The following EYS variants were observed in gnomAD, a reference collection of about 807,000 sequenced individuals.
EYS encodes the protein protein eyes shut homolog.
A neutral mutation model predicts 282.1 loss-of-function variants in EYS; 250 were observed. That is an observed-to-expected ratio of 0.89 (90% CI 0.80 to 0.98). The LOEUF (loss-of-function observed/expected upper bound fraction) is 0.98, where lower values mean the gene tolerates loss of function less well. Ranked by LOEUF, EYS falls within the 50% of genes least tolerant of loss-of-function variation. The pLI is 0.00. For missense variants in EYS, 4,016 were observed against 3,709.0 expected, an observed-to-expected ratio of 1.08 and a Z score of -2.15; for synonymous variants, 1,355 against 1,282.9, an observed-to-expected ratio of 1.06 and a Z score of -1.20.
chr6:65,302,357 G>A (rs1396836256), intron 11 of EYS, among the ~76,000 whole-genome samples: 5 of 152,202 alleles, frequency 3.3e-5, no homozygotes, highest in Non-Finnish European at 5.9e-5. Context: ...AGACGTTCCT[G>A]TTGAGAGCAA....
intron 2 of EYS, among the ~76,000 whole-genome samples, chr6:65,592,112 A>C (rs1277326608): frequency 6.6e-6 from 1 of 152,014 alleles, no homozygotes; most frequent in Non-Finnish European, 1.5e-5. Flanking sequence ...ACTAATTTTG[A>C]TCATTTTTTC....
At chr6:65,169,050 C>T (rs1312504516) in intron 12 of EYS, among the ~76,000 whole-genome samples, 1 of 151,332 alleles carries the variant, frequency 6.6e-6, no homozygotes, top group Non-Finnish European at 1.5e-5. Context: ...AGAAATCATT[C>T]CCTATTCCTG....
At chr6:64,658,306 C>G (rs919364158) in intron 22 of EYS, among the ~76,000 whole-genome samples, 10 of 88,264 alleles carry the variant, frequency 1.1e-4, no homozygotes, top group Non-Finnish European at 1.9e-4. Context: ...CGAACTTCCT[C>G]CTTTAGCTCG....
In EYS at chr6:65,369,946, G is replaced by T. The variant is rs558352515; in HGVS notation, c.1299+14440C>A. Among the ~76,000 whole-genome samples, 5 of 151,706 alleles carry T rather than the reference G, an allele frequency of 3.3e-5. 1 individual carries two copies. Among genetic ancestry groups the T allele is most frequent in the Admixed American group, 2.7e-4 (4 of 14,898 alleles). The stretch of plus-strand genomic sequence containing the variant: ...TGACAACCCAGTCCCTAAGTGTGAA[G>T]AAACTGTCTCCGAAGACTGATAAAT... On this transcript the variant is annotated intron_variant, in intron 8 of 42. Coordinates refer to ENST00000503581, the MANE Select transcript of EYS (RefSeq NM_001142800.2).
chr6:64,293,186 G>T (rs1475672660), intron 30 of EYS, among the ~76,000 whole-genome samples: 1 of 151,914 alleles, frequency 6.6e-6, no homozygotes, highest in Admixed American at 6.6e-5. Context: ...TCACAAAACT[G>T]GTCACTTTAT....
intron 31 of EYS, among the ~76,000 whole-genome samples, chr6:64,114,594 AG>A (rs1352152270): frequency 6.6e-6 from 1 of 152,212 alleles, no homozygotes; most frequent in African/African-American, 2.4e-5. Context: ...TATGAAGATA[AG>A]GGAAAGGGGC....
intron 31 of EYS, among the ~76,000 whole-genome samples, chr6:64,221,114 G>T (rs1057298588): frequency 2.6e-5 from 4 of 152,132 alleles, no homozygotes; most frequent in Non-Finnish European, 4.4e-5. Flanking sequence ...AAAGAGTTTA[G>T]GACAGTGTGT....
At chr6:64,630,615 T>C (rs1423283056) in intron 22 of EYS, among the ~76,000 whole-genome samples, 1 of 152,242 alleles carries the variant, frequency 6.6e-6, no homozygotes, top group Non-Finnish European at 1.5e-5. Flanking sequence ...GTTTTATGAA[T>C]GCTAAGGTTT....
chr6:64,828,290 C>T (rs1448582149), intron 19 of EYS, among the ~76,000 whole-genome samples: 2 of 151,740 alleles, frequency 1.3e-5, no homozygotes, highest in Non-Finnish European at 1.5e-5. Flanking sequence ...AACTGACTTG[C>T]AACTGGAATC....
chr6:64,647,869 G>T (rs1308583256), intron 22 of EYS, among the ~76,000 whole-genome samples: 2 of 152,060 alleles, frequency 1.3e-5, no homozygotes, highest in East Asian at 3.9e-4. Context: ...GATCATAAGG[G>T]TTTATAGAAT....
chr6:64,442,353 T>C (rs1477345884), intron 26 of EYS, among the ~76,000 whole-genome samples: 2 of 152,086 alleles, frequency 1.3e-5, no homozygotes, highest in Non-Finnish European at 2.9e-5. Context: ...AGGCATTCAG[T>C]TTTATAAGTG....
intron 5 of EYS, among the ~76,000 whole-genome samples, chr6:65,426,813 G>A (rs560258557): frequency 1.5e-4 from 23 of 151,874 alleles, no homozygotes; most frequent in Admixed American, 4.6e-4. Flanking sequence ...ATGTTAATAA[G>A]TTATAAACCT....
At chr6:64,583,127 G>GTAAA (rs1766127586) in intron 26 of EYS, among the ~76,000 whole-genome samples, 1 of 152,140 alleles carries the variant, frequency 6.6e-6, no homozygotes, top group Non-Finnish European at 1.5e-5. Context: ...TTTTAATGTA[G>GTAAA]TAAAGTAACT....
chr6:63,936,445 A>T (rs1029153795), intron 35 of EYS, among the ~76,000 whole-genome samples: 7 of 152,074 alleles, frequency 4.6e-5, no homozygotes, highest in Non-Finnish European at 1.0e-4. Context: ...CTTTATATGC[A>T]CTTTCCCCAG....
intron 22 of EYS, among the ~76,000 whole-genome samples, chr6:64,723,948 C>T (rs910251871): frequency 6.6e-5 from 10 of 152,208 alleles, no homozygotes; most frequent in Admixed American, 5.2e-4. Flanking sequence ...CACTACTTGA[C>T]ACTCTCCTTA....
At chr6:65,461,991 G>A (rs557664419) in intron 5 of EYS, among the ~76,000 whole-genome samples, 2 of 152,106 alleles carry the variant, frequency 1.3e-5, no homozygotes, top group South Asian at 2.1e-4. Context: ...AACATTAATC[G>A]TATTCATGAA....
At chr6:64,787,207 G>A (rs1163548154) in intron 22 of EYS, among the ~76,000 whole-genome samples, 1 of 152,262 alleles carries the variant, frequency 6.6e-6, no homozygotes, top group Non-Finnish European at 1.5e-5. Flanking sequence ...CTCATTGCCA[G>A]CTAGGCAATG....
chr6:64,555,334 G>T (rs191342989), intron 26 of EYS, among the ~76,000 whole-genome samples: 2 of 151,814 alleles, frequency 1.3e-5, no homozygotes, highest in Non-Finnish European at 3.0e-5. Context: ...GGAGAAAGGT[G>T]GTTATCAGGG....
intron 29 of EYS, among the ~76,000 whole-genome samples, chr6:64,384,878 T>A (rs572240149): frequency 1.3e-5 from 2 of 152,278 alleles, no homozygotes; most frequent in South Asian, 4.1e-4. Context: ...AAACAACCTG[T>A]CAGCACATAC....
Sources: gnomAD v4.1 joint callset for allele counts (sites outside exome capture counted in the v4.1 genomes callset) on GRCh38, gnomAD v4.1.1 for gene constraint, MANE v1.5 for transcripts, NCBI Gene and HGNC (gene_info 2026-07-23, HGNC 2026-07-21) for gene names.